The following MCTP1 variants were observed in gnomAD, a reference collection of about 807,000 sequenced individuals.
MCTP1 encodes multiple C2 and transmembrane domain-containing protein 1.
A neutral mutation model predicts 120.6 loss-of-function variants in MCTP1; 69 were observed. That is an observed-to-expected ratio of 0.57 (90% CI 0.47 to 0.70). The LOEUF is 0.70. MCTP1 is among the 30% of genes least tolerant of loss of function. MCTP1 has a pLI of 0.00. For missense variants in MCTP1, 1,203 were observed against 1,248.8 expected (o/e 0.96, Z 0.55); for synonymous variants, 529 against 493.1 (o/e 1.07, Z -0.96).
At chr5:94,901,518 G>A (rs1805531767) in intron 10 of MCTP1, among the ~76,000 whole-genome samples, 1 of 152,006 alleles carries the variant, frequency 6.6e-6, no homozygotes, top group East Asian at 1.9e-4. Context: ...TGGTACCTCA[G>A]AGAGTGAGAA....
At chr5:94,997,847 C>T (rs1832918690) in intron 2 of MCTP1, among the ~76,000 whole-genome samples, 1 of 152,114 alleles carries the variant, frequency 6.6e-6, no homozygotes, top group South Asian at 2.1e-4. Flanking sequence ...AACTGTGTCT[C>T]ATGCTTCTTA....
At position 95,056,828 on chromosome 5, in the gene MCTP1, G is replaced by A. The variant is rs145668825; in HGVS notation, c.721-39344C>T. Among the ~76,000 whole-genome samples, 805 of 151,956 alleles carry A rather than the reference G, an allele frequency of 5.3e-3. 3 individuals are homozygous for A. In the Middle Eastern group the frequency reaches 0.061, roughly 12 times the overall value. The stretch of plus-strand genomic sequence containing the variant: ...AAATTCCCCCATAGTCTTGCTCCTG[G>A]ATTTTCCTGAAAAAGAATGAACTCC... On this transcript the variant is annotated intron_variant, in intron 1 of 22. Transcript: ENST00000515393.
At chr5:95,034,376 A>G (rs1456608786) in intron 1 of MCTP1, among the ~76,000 whole-genome samples, 2 of 152,106 alleles carry the variant, frequency 1.3e-5, no homozygotes, top group Non-Finnish European at 2.9e-5. Context: ...AAAAATAAAC[A>G]CATAGATCAA....
intron 19 of MCTP1, among the ~76,000 whole-genome samples, chr5:94,743,886 A>G (rs1766229462): frequency 6.6e-6 from 1 of 151,416 alleles, no homozygotes; most frequent in African/African-American, 2.4e-5. Flanking sequence ...TGATCTGTCC[A>G]CCTCGGTCTC....
intron 1 of MCTP1, among the ~76,000 whole-genome samples, chr5:95,225,662 C>T (rs957595540): frequency 4.6e-5 from 7 of 152,154 alleles, no homozygotes; most frequent in Admixed American, 3.9e-4. Context: ...TGAGAGGTTA[C>T]AGTGCTTGCT....
Position 94,803,574 on chromosome 5 carries a change from T to TAAGATGCTC in MCTP1, c.2437-4451_2437-4443dup, listed in dbSNP as rs1781637167. ...CAATTAAGCCGATGCTTGACATCTA[T>TAAGATGCTC]AAGATGCTCAACAAGCATTAGGTGT... On this transcript the variant is annotated intron_variant, in intron 17 of 22. Coordinates refer to ENST00000515393, the MANE Select transcript of MCTP1 (RefSeq NM_024717.7). 2.6e-5 allele frequency among the ~76,000 whole-genome samples: 4 copies of TAAGATGCTC among 152,340 alleles called. No individual in the cohort carries two copies. In the South Asian group the frequency reaches 8.3e-4, roughly 32 times the overall value.
chr5:95,167,456 T>C (rs1441653616), intron 1 of MCTP1, among the ~76,000 whole-genome samples: 1 of 152,226 alleles, frequency 6.6e-6, no homozygotes, highest in Non-Finnish European at 1.5e-5. Context: ...ATGGTATTTC[T>C]AGTTCTAGAT....
At chr5:94,723,959 G>A (rs1357671823) in intron 19 of MCTP1, among the ~76,000 whole-genome samples, 5 of 151,948 alleles carry the variant, frequency 3.3e-5, no homozygotes, top group African/African-American at 7.2e-5. Context: ...AGGAAAACAC[G>A]GAAAGAGATA....
chr5:94,923,185 G>A (rs1443504225), intron 7 of MCTP1, among the ~76,000 whole-genome samples: 4 of 152,086 alleles, frequency 2.6e-5, no homozygotes, highest in Non-Finnish European at 5.9e-5. Flanking sequence ...AAAAGTTTGC[G>A]AGTTAAGAAA....
At chr5:94,837,760 C>T (rs141058002) in intron 17 of MCTP1, among the ~76,000 whole-genome samples, 20 of 152,212 alleles carry the variant, frequency 1.3e-4, no homozygotes, top group South Asian at 6.2e-4. Context: ...GAGACGGGGG[C>T]GCTGGTTAAT....
At chr5:94,982,621 T>C (rs907054262) in intron 2 of MCTP1, among the ~76,000 whole-genome samples, 2 of 151,978 alleles carry the variant, frequency 1.3e-5, no homozygotes, top group African/African-American at 4.8e-5. Context: ...AGAAAGATGG[T>C]CACGCACCTG....
chr5:95,123,281 G>A (rs1164077617), intron 1 of MCTP1, among the ~76,000 whole-genome samples: 1 of 151,580 alleles, frequency 6.6e-6, no homozygotes, highest in Non-Finnish European at 1.5e-5. Context: ...AATAAAATCT[G>A]GCTAGCACAA....
At chr5:94,763,820 A>T (rs149863679) in intron 19 of MCTP1, among the ~76,000 whole-genome samples, 4 of 152,198 alleles carry the variant, frequency 2.6e-5, no homozygotes, top group South Asian at 2.1e-4. Flanking sequence ...AAGAAAAAAA[A>T]TTTTAAAACT....
At chr5:94,801,141 T>C (rs182990125) in intron 17 of MCTP1, among the ~76,000 whole-genome samples, 1 of 152,318 alleles carries the variant, frequency 6.6e-6, no homozygotes, top group Admixed American at 6.5e-5. Context: ...TATTTATTTG[T>C]AGCATTTAGG....
At chr5:95,093,417 C>A (rs942329562) in intron 1 of MCTP1, among the ~76,000 whole-genome samples, 16 of 152,108 alleles carry the variant, frequency 1.1e-4, no homozygotes, top group African/African-American at 3.9e-4. Context: ...TTACCTTTGC[C>A]TGTTGTGCCA....
At chr5:95,019,362 C>T (rs1837750531) in intron 1 of MCTP1, among the ~76,000 whole-genome samples, 1 of 151,982 alleles carries the variant, frequency 6.6e-6, no homozygotes, top group African/African-American at 2.4e-5. Flanking sequence ...TATTGGATCC[C>T]CTGAACTTAC....
chr5:95,174,056 CA>C (rs1343870029), intron 1 of MCTP1, among the ~76,000 whole-genome samples: 2 of 152,010 alleles, frequency 1.3e-5, no homozygotes, highest in Non-Finnish European at 2.9e-5. Context: ...CAAGAAGGCC[CA>C]ATATCAAATT....
chr5:95,227,939 C>A (rs1754467457), intron 1 of MCTP1, among the ~76,000 whole-genome samples: 1 of 151,966 alleles, frequency 6.6e-6, no homozygotes, highest in African/African-American at 2.4e-5. Flanking sequence ...AAAATGCAAG[C>A]TTGAAGAGCT....
chr5:95,159,649 T>G (rs1219785324), intron 1 of MCTP1, among the ~76,000 whole-genome samples: 1 of 152,112 alleles, frequency 6.6e-6, no homozygotes, highest in African/African-American at 2.4e-5. Flanking sequence ...CCATACCCAG[T>G]GTATCAGAAT....
Sources: gnomAD v4.1 joint callset for allele counts (sites outside exome capture counted in the v4.1 genomes callset) on GRCh38, gnomAD v4.1.1 for gene constraint, MANE v1.5 for transcripts, NCBI Gene and HGNC (gene_info 2026-07-23, HGNC 2026-07-21) for gene names.